PCDHA4: variants seen among roughly 807,000 people sequenced by gnomAD.
PCDHA4 encodes protocadherin alpha-4.
Under a neutral mutation model 61.4 loss-of-function variants are expected in PCDHA4, and 49 were observed. That is an observed-to-expected ratio of 0.80 (90% CI 0.63 to 1.01). The LOEUF (loss-of-function observed/expected upper bound fraction) is 1.01, where lower values mean the gene tolerates loss of function less well. PCDHA4 is among the 50% of genes least tolerant of loss of function. The pLI is 0.00. For missense variants in PCDHA4, 1,254 were observed against 1,235.8 expected, an observed-to-expected ratio of 1.01 and a Z score of -0.22; for synonymous variants, 590 against 550.3, an observed-to-expected ratio of 1.07 and a Z score of -1.01.
intron 1 of PCDHA4, chr5:140,822,998 T>C (rs2150121149): frequency 6.2e-7 from 1 of 1,614,240 alleles, no homozygotes; most frequent in South Asian, 1.1e-5. Flanking sequence ...TCGTTGGTGC[T>C]GGACAGCGCC....
chr5:140,929,282 A>T, intron 1 of PCDHA4: 1 of 1,601,564 alleles, frequency 6.2e-7, no homozygotes, highest in South Asian at 1.1e-5. Flanking sequence ...TCCTGTATTC[A>T]GATTCGGAAT....
At position 141,011,990 on chromosome 5, in the gene PCDHA4, T is replaced by C. The variant is rs1554263765; in HGVS notation, c.*2053T>C. On this transcript the variant is annotated 3_prime_UTR_variant, in exon 4 of 4. Transcript: ENST00000530339. ...ACTGTCTTGTCTACTTTTAGCTTCA[T>C]TCTCCCATATTTTGAAGGGTGTGTA... 1 of 153,772 alleles carries C rather than the reference T, an allele frequency of 6.5e-6. No homozygotes were observed. The highest frequency in any genetic ancestry group is 1.5e-5 in the Non-Finnish European group (1 of 68,038). 9.5% of individuals were successfully genotyped at this position (153,772 alleles called of 1,614,324 possible). A position where few individuals can be genotyped will look rare whatever the true frequency, so the allele number is the denominator to read the frequency against.
intron 1 of PCDHA4, among the ~76,000 whole-genome samples, chr5:140,964,690 A>G (rs1554227180): frequency 2.6e-5 from 4 of 152,036 alleles, no homozygotes. Context: ...TGTGCACTTG[A>G]GAGATTAAGG....
intron 1 of PCDHA4, among the ~76,000 whole-genome samples, chr5:140,974,321 T>C (rs2096622495): frequency 6.6e-6 from 1 of 152,226 alleles, no homozygotes; most frequent in Non-Finnish European, 1.5e-5. Context: ...AGAGAGTAGC[T>C]GCTGTGCTAG....
In PCDHA4 at chr5:140,837,849, AT is replaced by A. The variant is rs2150280154; in HGVS notation, c.2385+28281del. On this transcript the variant is annotated intron_variant, in intron 1 of 3. Coordinates refer to ENST00000530339, the MANE Select transcript of PCDHA4 (RefSeq NM_018907.4). The stretch of plus-strand genomic sequence containing the variant: ...CATGTCATTGTGCCTGGCTAATTTT[AT>A]TTTATTTTTGTAGAGACAGGGTGGA... Among the ~76,000 whole-genome samples the A allele has an allele frequency of 1.1e-3, 172 of 150,974 alleles. 2 individuals are homozygous for A. Among genetic ancestry groups the A allele is most frequent in the African/African-American group, 4.1e-3 (169 of 41,040 alleles).
intron 1 of PCDHA4, among the ~76,000 whole-genome samples, chr5:140,879,169 T>C (rs2057884518): frequency 6.6e-6 from 1 of 152,156 alleles, no homozygotes; most frequent in Non-Finnish European, 1.5e-5. Flanking sequence ...TTTTAATAAA[T>C]TAGGTATCAA....
chr5:140,872,595 C>T (rs1048527578), intron 1 of PCDHA4, among the ~76,000 whole-genome samples: 1 of 152,102 alleles, frequency 6.6e-6, no homozygotes, highest in African/African-American at 2.4e-5. Context: ...AGACCCCCAT[C>T]TGAAAAAATA....
chr5:140,913,898 CTTTT>C (rs1351691139), intron 1 of PCDHA4, among the ~76,000 whole-genome samples: 2 of 152,020 alleles, frequency 1.3e-5, no homozygotes, highest in African/African-American at 4.8e-5. Flanking sequence ...CAAAATTCCC[CTTTT>C]TTATTTCTAA....
intron 1 of PCDHA4, chr5:140,821,762 G>A: frequency 6.3e-7 from 1 of 1,588,934 alleles, no homozygotes; most frequent in African/African-American, 1.3e-5. Context: ...GCTCATAATT[G>A]GAACGAGATT....
chr5:140,922,063 A>C (rs1324927848), intron 1 of PCDHA4, among the ~76,000 whole-genome samples: 2 of 152,190 alleles, frequency 1.3e-5, no homozygotes, highest in African/African-American at 4.8e-5. Context: ...AAATGTAGCA[A>C]TCCCACTAAG....
chr5:140,922,085 AT>A (rs1453055437), intron 1 of PCDHA4, among the ~76,000 whole-genome samples: 1 of 152,194 alleles, frequency 6.6e-6, no homozygotes, highest in Non-Finnish European at 1.5e-5. Context: ...AAAAAGTGGT[AT>A]TTCTACCAAC....
At chr5:140,841,167 G>T (rs1003651834) in intron 1 of PCDHA4, 106 of 954,536 alleles carry the variant, frequency 1.1e-4, no homozygotes, top group Non-Finnish European at 3.5e-5. Context: ...AAGAAGTTCT[G>T]GTTGGTCAAT....
At chr5:140,877,526 G>T (rs1554169807) in intron 1 of PCDHA4, 2 of 1,613,676 alleles carry the variant, frequency 1.2e-6, no homozygotes, top group African/African-American at 2.7e-5. Context: ...GCCTCAGTGG[G>T]CGCTGTGGAT....
intron 1 of PCDHA4, among the ~76,000 whole-genome samples, chr5:140,925,950 A>G (rs2082820493): frequency 6.6e-6 from 1 of 152,030 alleles, no homozygotes. Flanking sequence ...GGAGAAGGAG[A>G]AACTGCTATC....
At chr5:140,970,221 C>G (rs2096390879) in intron 1 of PCDHA4, among the ~76,000 whole-genome samples, 1 of 152,182 alleles carries the variant, frequency 6.6e-6, no homozygotes, top group South Asian at 2.1e-4. Context: ...TTAAATGCAG[C>G]CTGTAATCTT....
Position 140,850,921 on chromosome 5 carries a change from T to G in PCDHA4, c.2385+41349T>G, listed in dbSNP as rs2150502315. 43 of 1,526,092 alleles carry G rather than the reference T, an allele frequency of 2.8e-5. 3 individuals carry two copies. In the African/African-American group the frequency reaches 3.6e-4, roughly 13 times the overall value. 94.5% of individuals were successfully genotyped at this position (1,526,092 alleles called of 1,614,324 possible). ...TTTTCTAGCATTTTATTTATTTATA[T>G]AATTTTTTTTCTTGAAAGATATTAT... On this transcript the variant is annotated intron_variant, in intron 1 of 3. Coordinates refer to ENST00000530339, the MANE Select transcript of PCDHA4 (RefSeq NM_018907.4).
chr5:140,876,398 A>C (rs782094508), intron 1 of PCDHA4: 1 of 1,613,962 alleles, frequency 6.2e-7, no homozygotes, highest in South Asian at 1.1e-5. Flanking sequence ...GGTGAACTGG[A>C]TTTTGAAGAG....
Position 140,842,803 on chromosome 5 carries a change from T to G in PCDHA4, c.2385+33231T>G, listed in dbSNP as rs141140865. 5,439 of 1,594,064 alleles carry G rather than the reference T, an allele frequency of 3.4e-3. 534 individuals carry two copies. In the African/African-American group the frequency reaches 0.06, roughly 17 times the overall value. On this transcript the variant is annotated intron_variant, in intron 1 of 3. Transcript: ENST00000530339. Reference sequence around the variant, plus strand: ...AGAACGCGCTGGTGTCCTACTCGCTTGTGGAGCGGCGGGTGGGCGAGCGCT... The same window carrying G: ...AGAACGCGCTGGTGTCCTACTCGCTGGTGGAGCGGCGGGTGGGCGAGCGCT...
At chr5:140,902,203 C>CTTTTTT (rs148688132) in intron 1 of PCDHA4, among the ~76,000 whole-genome samples, 15 of 124,432 alleles carry the variant, frequency 1.2e-4, no homozygotes, top group Non-Finnish European at 2.0e-4. Flanking sequence ...CTCTCTCTTT[C>CTTTTTT]TTTTTTTTTT....
Sources: gnomAD v4.1 joint callset for allele counts (sites outside exome capture counted in the v4.1 genomes callset) on GRCh38, gnomAD v4.1.1 for gene constraint, MANE v1.5 for transcripts, NCBI Gene and HGNC (gene_info 2026-07-23, HGNC 2026-07-21) for gene names.